BCOR: variants seen among roughly 807,000 people sequenced by gnomAD.
BCOR encodes the protein BCL6 corepressor, also known as BCL-6 corepressor.
BCOR carries 10 observed loss-of-function variants against 86.7 expected under a neutral mutation model. The ratio of observed to expected loss-of-function variants is 0.12; its 90% CI spans 0.07 to 0.20. The LOEUF (loss-of-function observed/expected upper bound fraction) is 0.20, where lower values mean the gene tolerates loss of function less well. Ranked by LOEUF, BCOR falls within the 10% of genes least tolerant of loss-of-function variation. The probability of loss-of-function intolerance (pLI) is 1.00; values close to 1 mark genes in which losing one functional copy is unlikely to be tolerated. For synonymous variants in BCOR, 611 were observed against 609.0 expected (o/e 1.00, Z -0.05); for missense variants, 1,259 against 1,452.1 (o/e 0.87, Z 2.16).
intron 1 of BCOR, among the ~76,000 whole-genome samples, chrX:40,173,377 C>T (rs1039720982): frequency 8.9e-6 from 1 of 112,249 alleles, no homozygotes; most frequent in Non-Finnish European, 1.9e-5. Context: ...ACATAAGGTG[C>T]TTAGAACGCT....
At chrX:40,056,910 T>C (rs946599217) in intron 11 of BCOR, among the ~76,000 whole-genome samples, 2 of 112,323 alleles carry the variant, frequency 1.8e-5, no homozygotes, top group Non-Finnish European at 3.8e-5. Flanking sequence ...CATGCAGGCC[T>C]CAACATTTTC....
Position 40,074,174 on chromosome X carries a change from C to T in BCOR, c.1172G>A (p.Gly391Asp), listed in dbSNP as rs1480861473. 1 of 1,212,236 alleles carries T rather than the reference C, an allele frequency of 8.2e-7. No individual in the cohort carries two copies. Among genetic ancestry groups the T allele is most frequent in the South Asian group, 1.8e-5 (1 of 57,008 alleles). Residue 391 changes from glycine (G) to aspartate (D), a missense_variant, in exon 4 of 15, where the codon GGC becomes GAC. Transcript: ENST00000378444. ...SEFPAARLSNGKYPKAPEGGE... is the reference protein window; with the variant it reads ...SEFPAARLSNDKYPKAPEGGE... ...CCCTTCCGGAGCCTTGGGATACTTG[C>T]CATTGGAGAGCCTGGCCGCGGGGAA...
chrX:40,110,667 C>CTTTTTTTTTTTTTTTTTTTTTTTT lies in BCOR; in HGVS notation c.-40-32722_-40-32699dup, dbSNP rs546960508. On this transcript the variant is annotated intron_variant, in intron 1 of 14. Coordinates refer to the BCOR transcript ENST00000342274. ...TTCTTTTTTTTCTTTTTTCCTTTTT[C>CTTTTTTTTTTTTTTTTTTTTTTTT]TTTTTTTTTTTTTTTTTTTTTTTTT... Among the ~76,000 whole-genome samples, 7 of 29,546 alleles carry CTTTTTTTTTTTTTTTTTTTTTTTT rather than the reference C, an allele frequency of 2.4e-4. 2 individuals carry two copies. The highest frequency in any genetic ancestry group is 4.5e-4 in the African/African-American group (4 of 8,900). The allele number at this position is 29,546 out of a possible 115,157, so 25.7% of individuals were successfully genotyped here. A position where few individuals can be genotyped will look rare whatever the true frequency, so the allele number is the denominator to read the frequency against.
chrX:40,052,809 C>T (rs1333936625), intron 14 of BCOR, among the ~76,000 whole-genome samples: 1 of 110,964 alleles, frequency 9.0e-6, no homozygotes, highest in African/African-American at 3.3e-5. Flanking sequence ...CGTGATCCGC[C>T]CGCCTTGGCC....
At chrX:40,066,387 C>T (rs1935202606) in intron 6 of BCOR, among the ~76,000 whole-genome samples, 1 of 111,643 alleles carries the variant, frequency 9.0e-6, no homozygotes, top group African/African-American at 3.3e-5. Flanking sequence ...GTGTCTTAAC[C>T]ACTCTGGCAG....
intron 3 of BCOR, 148 bp from the exon 4 acceptor site, chrX:40,075,328 G>T (rs1935752883): frequency 1.6e-5 from 7 of 442,537 alleles, no homozygotes; most frequent in Admixed American, 6.5e-5. Context: ...CGGGGGTGGG[G>T]GGTCTGTTTC....
chrX:40,072,493 A>G lies in BCOR; in HGVS notation c.2853T>C (p.Asp951=). Residue 951 remains aspartate (D), a synonymous_variant, in exon 4 of 15, where the codon GAT becomes GAC. Coordinates refer to ENST00000378444, the MANE Select transcript of BCOR (RefSeq NM_001123385.2). ...KDGADEAESN[D]GKVLKPKPSK... ...ATGGCTTCGGTTTCAGAACTTTGCCATCATTTGATTCAGCCTCATCAGCTC... is the reference window on the plus strand; with the variant it reads ...ATGGCTTCGGTTTCAGAACTTTGCCGTCATTTGATTCAGCCTCATCAGCTC... 8.3e-7 allele frequency: 1 copy of G among 1,211,958 alleles called. No individual in the cohort carries two copies. The highest frequency in any genetic ancestry group is 1.8e-5 in the South Asian group (1 of 57,000).
intron 1 of BCOR, among the ~76,000 whole-genome samples, chrX:40,139,258 G>A (rs1937756583): frequency 1.0e-5 from 1 of 99,578 alleles, no homozygotes; most frequent in Non-Finnish European, 2.0e-5. Context: ...GGGTAGGCGT[G>A]TTGAATAAAT....
chrX:40,063,523 TCTC>T (rs1175768115), intron 8 of BCOR, 82 bp downstream of exon 8: 1 of 763,025 alleles, frequency 1.3e-6, no homozygotes, highest in Non-Finnish European at 2.0e-6. Flanking sequence ...CCTTCTAAGA[TCTC>T]CTCAAAAGCC....
In BCOR at chrX:40,064,669, G is replaced by A. The variant is rs898670938; in HGVS notation, c.3239-70C>T. ...GCCATGAGAAGGCAGGATCTGGGGAGTGCGTGGGACCACCATGCCCAAGGT... is the reference window on the plus strand; with the variant it reads ...GCCATGAGAAGGCAGGATCTGGGGAATGCGTGGGACCACCATGCCCAAGGT... On this transcript the variant is annotated intron_variant, in intron 6 of 14. Coordinates refer to ENST00000378444, the MANE Select transcript of BCOR (RefSeq NM_001123385.2). 3 of 1,135,387 alleles carry A rather than the reference G, an allele frequency of 2.6e-6. No homozygotes were observed. In the African/African-American group the frequency reaches 5.4e-5, roughly 20 times the overall value. 93.6% of individuals were successfully genotyped at this position (1,135,387 alleles called of 1,213,427 possible). A position where few individuals can be genotyped will look rare whatever the true frequency, so the allele number is the denominator to read the frequency against.
chrX:40,166,153 T>C (rs749402401), intron 1 of BCOR, among the ~76,000 whole-genome samples: 5 of 112,019 alleles, frequency 4.5e-5, no homozygotes, highest in South Asian at 3.7e-4. Context: ...TTTTCCATCG[T>C]AGCTTGTGAT....
At position 40,074,918 on chromosome X, in the gene BCOR, T is replaced by C; in HGVS notation, c.428A>G (p.Asn143Ser). Residue 143 changes from asparagine (N) to serine (S), a missense_variant, in exon 4 of 15, where the codon AAT becomes AGT. By Grantham distance (46) the Asn-to-Ser change is conservative (BLOSUM62 1). Around this residue, in one of 7 missense-constraint regions of BCOR, gnomAD observed 174 missense variants for 189.3 expected, o/e 0.92. Coordinates refer to ENST00000378444, the MANE Select transcript of BCOR (RefSeq NM_001123385.2). Reference protein sequence around the residue: ...EASAVSGKPPNGFSAIYKTPP... With the variant: ...EASAVSGKPPSGFSAIYKTPP... ...TGTTTTGTATATAGCACTGAAGCCA[T>C]TTGGGGGTTTTCCAGAGACGGCAGA... 8.3e-7 allele frequency: 1 copy of C among 1,211,131 alleles called. No individual in the cohort carries two copies. Among genetic ancestry groups the C allele is most frequent in the Non-Finnish European group, 1.1e-6 (1 of 895,338 alleles).
intron 1 of BCOR, among the ~76,000 whole-genome samples, chrX:40,133,783 A>G (rs996236059): frequency 3.6e-5 from 4 of 111,240 alleles, no homozygotes; most frequent in Non-Finnish European, 7.5e-5. Flanking sequence ...TCTTGGCCCT[A>G]ACATCTGGGG....
intron 1 of BCOR, among the ~76,000 whole-genome samples, chrX:40,116,184 A>G (rs1253736012): frequency 8.9e-6 from 1 of 111,883 alleles, no homozygotes. Flanking sequence ...ACACATTAAT[A>G]ATCTCATGTC....
At chrX:40,061,903 C>T (rs890017866) in intron 10 of BCOR, among the ~76,000 whole-genome samples, 2 of 111,447 alleles carry the variant, frequency 1.8e-5, no homozygotes, top group Non-Finnish European at 3.8e-5. Flanking sequence ...AGCAGCCTAC[C>T]TGCCTGAACA....
At chrX:40,080,000 C>G (rs1156984859) in intron 1 of BCOR, among the ~76,000 whole-genome samples, 1 of 107,551 alleles carries the variant, frequency 9.3e-6, no homozygotes, top group African/African-American at 3.6e-5. Context: ...CACCCCCTCA[C>G]TGTGCCATGA....
At chrX:40,075,263 T>C in intron 3 of BCOR, 83 bp from the exon 4 acceptor site, 1 of 869,901 alleles carries the variant, frequency 1.1e-6, no homozygotes, top group Non-Finnish European at 1.6e-6. Flanking sequence ...TAGTTCAACA[T>C]GCCATCAGCC....
chrX:40,153,679 C>G (rs1938219111), intron 1 of BCOR, among the ~76,000 whole-genome samples: 2 of 111,798 alleles, frequency 1.8e-5, no homozygotes, highest in Non-Finnish European at 3.8e-5. Flanking sequence ...CGAAAAGCCC[C>G]GAGGAGAGGA....
At chrX:40,134,242 C>T (rs1055068223) in intron 1 of BCOR, among the ~76,000 whole-genome samples, 2 of 109,078 alleles carry the variant, frequency 1.8e-5, no homozygotes, top group Non-Finnish European at 3.8e-5. Context: ...GAGGGGAAGA[C>T]GAGGACCAGA....
Sources: gnomAD v4.1 joint callset for allele counts (sites outside exome capture counted in the v4.1 genomes callset) on GRCh38, gnomAD v4.1.1 for gene constraint, gnomAD v4.1.1 regional missense constraint, MANE v1.5 for transcripts, NCBI Gene and HGNC (gene_info 2026-07-23, HGNC 2026-07-21) for gene names.